The following PRKACB variants were observed in gnomAD, a reference collection of about 807,000 sequenced individuals.
The protein encoded by PRKACB is cAMP-dependent protein kinase catalytic subunit beta.
In PRKACB, 16 loss-of-function variants were observed where a neutral mutation model predicts 51.4. That is an observed-to-expected ratio of 0.31 (90% CI 0.21 to 0.47). PRKACB has a LOEUF of 0.47. PRKACB is among the 20% of genes least tolerant of loss of function. The pLI is 1.00. For synonymous variants in PRKACB, 147 were observed against 154.4 expected, an observed-to-expected ratio of 0.95 and a Z score of 0.35; for missense variants, 309 against 464.5, an observed-to-expected ratio of 0.67 and a Z score of 3.08.
intron 1 of PRKACB, among the ~76,000 whole-genome samples, chr1:84,087,668 A>G (rs1475633272): frequency 6.6e-6 from 1 of 152,120 alleles, no homozygotes; most frequent in Non-Finnish European, 1.5e-5. Flanking sequence ...GGTGTGTACC[A>G]TCGAGGCTTG....
intron 1 of PRKACB, among the ~76,000 whole-genome samples, chr1:84,098,613 A>G (rs1649103385): frequency 6.6e-6 from 1 of 152,104 alleles, no homozygotes; most frequent in Non-Finnish European, 1.5e-5. Flanking sequence ...CTAGGGGAGT[A>G]CAATATGATT....
chr1:84,186,313 G>A (rs151217717), intron 5 of PRKACB, among the ~76,000 whole-genome samples: 166 of 152,090 alleles, frequency 1.1e-3, no homozygotes, highest in African/African-American at 4.0e-3. Flanking sequence ...CTGCCTCCTG[G>A]GTTCCAGTGA....
intron 7 of PRKACB, among the ~76,000 whole-genome samples, chr1:84,199,449 A>G (rs1325576088): frequency 6.6e-6 from 1 of 152,170 alleles, no homozygotes. Flanking sequence ...GATAGCCTCC[A>G]GCTCCATCCA....
chr1:84,172,613 A>G (rs1233019323), intron 1 of PRKACB, among the ~76,000 whole-genome samples: 1 of 151,704 alleles, frequency 6.6e-6, no homozygotes, highest in Non-Finnish European at 1.5e-5. Flanking sequence ...AAGTTAATGT[A>G]TTTCTTTCTA....
chr1:84,196,532 T>C, intron 5 of PRKACB, 84 bp from the exon 6 acceptor site: 2 of 1,369,444 alleles, frequency 1.5e-6, no homozygotes, highest in Non-Finnish European at 2.0e-6. Flanking sequence ...TACCTCTACT[T>C]CATATTAGTT....
intron 8 of PRKACB, among the ~76,000 whole-genome samples, chr1:84,212,330 C>T (rs1047470979): frequency 6.8e-6 from 1 of 147,506 alleles, no homozygotes; most frequent in Admixed American, 6.6e-5. Context: ...GGTCCTAGGA[C>T]CAGATTTTGA....
intron 1 of PRKACB, among the ~76,000 whole-genome samples, chr1:84,127,747 ATATT>A (rs1421379443): frequency 6.6e-6 from 1 of 152,006 alleles, no homozygotes; most frequent in Non-Finnish European, 1.5e-5. Context: ...TCAATTGACT[ATATT>A]TACTGTTTTC....
intron 1 of PRKACB, among the ~76,000 whole-genome samples, chr1:84,126,064 G>T (rs1651565971): frequency 7.0e-6 from 1 of 141,944 alleles, no homozygotes; most frequent in Non-Finnish European, 1.5e-5. Flanking sequence ...GTGCAGTCCA[G>T]TGGAAGCTTC....
exon 1 of PRKACB, chr1:84,078,339 C>T: frequency 2.5e-6 from 4 of 1,612,190 alleles, no homozygotes; most frequent in Non-Finnish European, 3.4e-6. Context: ...GGGAACGCGG[C>T]GACCGCCAAG....
At position 84,235,963 on chromosome 1, in the gene PRKACB, C is replaced by G. The variant is rs746025056; in HGVS notation, c.*658C>G. On this transcript the variant is annotated 3_prime_UTR_variant, in exon 10 of 10. Coordinates refer to ENST00000370685, the MANE Select transcript of PRKACB (RefSeq NM_182948.4). Reference sequence around the variant, plus strand: ...TAGATCAGAGGTTCTAGTTCCCTTTCCCTCCTTTTATATCCTCCTCTCCTT... The same window carrying G: ...TAGATCAGAGGTTCTAGTTCCCTTTGCCTCCTTTTATATCCTCCTCTCCTT... The G allele has an allele frequency of 2.0e-5, 3 of 152,594 alleles. No individual in the cohort carries two copies. Among genetic ancestry groups the G allele is most frequent in the Non-Finnish European group, 4.4e-5 (3 of 68,050 alleles). 9.5% of individuals were successfully genotyped at this position (152,594 alleles called of 1,614,324 possible). A position where few individuals can be genotyped will look rare whatever the true frequency, so the allele number is the denominator to read the frequency against.
chr1:84,226,268 T>G (rs1254976680), intron 9 of PRKACB, among the ~76,000 whole-genome samples: 12 of 52,828 alleles, frequency 2.3e-4, no homozygotes, highest in Non-Finnish European at 9.1e-4. Context: ...GGTTTGTGGG[T>G]TTTTTGTTTT....
chr1:84,126,105 T>G (rs1468607896), intron 1 of PRKACB, among the ~76,000 whole-genome samples: 3 of 151,874 alleles, frequency 2.0e-5, no homozygotes, highest in African/African-American at 7.3e-5. Context: ...GAGGGGAACC[T>G]GTGACCTCCG....
intron 1 of PRKACB, chr1:84,164,301 C>T: frequency 6.6e-7 from 1 of 1,515,336 alleles, no homozygotes; most frequent in Non-Finnish European, 8.9e-7. Context: ...TCACTAGCAA[C>T]AGCACACAGC....
intron 1 of PRKACB, among the ~76,000 whole-genome samples, chr1:84,163,040 A>C (rs371988893): frequency 3.5e-4 from 52 of 148,470 alleles, no homozygotes; most frequent in African/African-American, 1.2e-3. Flanking sequence ...TCTTATTCTA[A>C]TTTTTATTTT....
chr1:84,199,936 CCTG>C (rs1325151078), intron 7 of PRKACB, among the ~76,000 whole-genome samples: 1 of 152,042 alleles, frequency 6.6e-6, no homozygotes, highest in Non-Finnish European at 1.5e-5. Flanking sequence ...ACCTCTGCCT[CCTG>C]AGTTCAAGCG....
chr1:84,132,188 A>G (rs1009741454), intron 1 of PRKACB, among the ~76,000 whole-genome samples: 1 of 152,218 alleles, frequency 6.6e-6, no homozygotes, highest in Admixed American at 6.5e-5. Flanking sequence ...CTAAAATTAT[A>G]GACTGTATTT....
At chr1:84,156,788 A>C (rs988481803) in intron 1 of PRKACB, among the ~76,000 whole-genome samples, 3 of 152,188 alleles carry the variant, frequency 2.0e-5, no homozygotes, top group South Asian at 2.1e-4. Context: ...CATATTCTTG[A>C]ACCATTGGAG....
At chr1:84,167,079 C>G (rs1657738309) in intron 1 of PRKACB, among the ~76,000 whole-genome samples, 1 of 151,500 alleles carries the variant, frequency 6.6e-6, no homozygotes, top group South Asian at 2.1e-4. Context: ...TCTATTGATT[C>G]TACATCAAAA....
upstream of PRKACB, among the ~76,000 whole-genome samples, chr1:84,140,742 A>G (rs1298651322): frequency 6.6e-6 from 1 of 152,062 alleles, no homozygotes; most frequent in Non-Finnish European, 1.5e-5. Flanking sequence ...TTTTCACCCC[A>G]ACTTCTTCAC....
Sources: allele counts gnomAD v4.1 joint callset (sites outside exome capture counted in the v4.1 genomes callset), GRCh38; gene constraint gnomAD v4.1.1; transcripts MANE v1.5; gene names NCBI Gene and HGNC (gene_info 2026-07-23, HGNC 2026-07-21).